The following UNC5D variants were observed in gnomAD, a reference collection of about 807,000 sequenced individuals.
UNC5D encodes the protein unc-5 netrin receptor D.
Under a neutral mutation model 105.4 loss-of-function variants are expected in UNC5D, and 39 were observed. The ratio of observed to expected loss-of-function variants is 0.37; its 90% CI spans 0.29 to 0.48. UNC5D has a LOEUF of 0.48. Among genes scored for constraint, UNC5D ranks in the 20% least tolerant of loss-of-function variants. The pLI, the probability that UNC5D is intolerant of heterozygous loss-of-function variation, is 0.98. For synonymous variants in UNC5D, 452 were observed against 450.4 expected, an observed-to-expected ratio of 1.00 and a Z score of -0.04; for missense variants, 991 against 1,202.4, an observed-to-expected ratio of 0.82 and a Z score of 2.60.
At chr8:35,679,506 A>C (rs1825508278) in intron 4 of UNC5D, among the ~76,000 whole-genome samples, 1 of 152,182 alleles carries the variant, frequency 6.6e-6, no homozygotes, top group Admixed American at 6.5e-5. Flanking sequence ...TTCAAAGGGC[A>C]TGAAGGAGTA....
At chr8:35,477,464 T>A (rs974740672) in intron 1 of UNC5D, among the ~76,000 whole-genome samples, 1 of 152,102 alleles carries the variant, frequency 6.6e-6, no homozygotes, top group Non-Finnish European at 1.5e-5. Context: ...TTTCACAGAA[T>A]GATTTTTATG....
chr8:35,339,987 C>A (rs762716660), intron 1 of UNC5D, among the ~76,000 whole-genome samples: 15 of 152,260 alleles, frequency 9.9e-5, no homozygotes, highest in African/African-American at 3.4e-4. Context: ...GGTTTACACA[C>A]GTCTCCTTTA....
At chr8:35,673,901 C>T (rs775378663) in intron 4 of UNC5D, among the ~76,000 whole-genome samples, 3 of 152,164 alleles carry the variant, frequency 2.0e-5, no homozygotes, top group South Asian at 2.1e-4. Context: ...TTCATGGGTA[C>T]GTGCTGCACC....
At chr8:35,491,168 T>C (rs1009563942) in intron 1 of UNC5D, among the ~76,000 whole-genome samples, 5 of 152,176 alleles carry the variant, frequency 3.3e-5, no homozygotes, top group Non-Finnish European at 7.4e-5. Flanking sequence ...GCTGAGTGAA[T>C]TGTAAAAGTG....
rs1586315631 is a variant in UNC5D, at chr8:35,640,925, C to T, written c.571-42622C>T. 2.0e-5 allele frequency among the ~76,000 whole-genome samples: 3 copies of T among 152,146 alleles called. No homozygotes were observed. The South Asian group carries it at 6.2e-4, about 32-fold the overall frequency. On this transcript the variant is annotated intron_variant, in intron 4 of 16. Coordinates refer to ENST00000404895, the MANE Select transcript of UNC5D (RefSeq NM_080872.4). Reference sequence around the variant, plus strand: ...TCCTCTTCTTCCTCTTCCTCCTCCTCTCCTCTCTCTCTCTCTTTCTAATAG... The same window carrying T: ...TCCTCTTCTTCCTCTTCCTCCTCCTTTCCTCTCTCTCTCTCTTTCTAATAG...
At chr8:35,299,449 G>T (rs569829949) in intron 1 of UNC5D, among the ~76,000 whole-genome samples, 3 of 152,152 alleles carry the variant, frequency 2.0e-5, no homozygotes, top group South Asian at 4.1e-4. Flanking sequence ...TCAGACTGCT[G>T]GGTCTATTCT....
intron 1 of UNC5D, among the ~76,000 whole-genome samples, chr8:35,425,404 G>C (rs1355320454): frequency 6.6e-6 from 1 of 152,132 alleles, no homozygotes; most frequent in Admixed American, 6.6e-5. Context: ...CAGCTCCTTA[G>C]AGCTTCTGTT....
intron 1 of UNC5D, among the ~76,000 whole-genome samples, chr8:35,271,395 A>G (rs1409888446): frequency 7.6e-6 from 1 of 132,246 alleles, no homozygotes; most frequent in Non-Finnish European, 1.7e-5. Context: ...ACACACATGC[A>G]CGTGTGTATG....
rs561056769 is a variant in UNC5D at position 35,390,613 on chromosome 8, A to G, written c.103+154726A>G. Among the ~76,000 whole-genome samples the G allele has an allele frequency of 4.6e-5, 7 of 152,328 alleles. No homozygotes were observed. The East Asian group carries it at 1.4e-3, about 29-fold the overall frequency. On this transcript the variant is annotated intron_variant, in intron 1 of 16. Transcript: ENST00000404895. ...TAAAATTGATCTTTGTGTTAAGTAA[A>G]CACAACCAAAAGAAATACTTTTCTT...
chr8:35,325,624 T>C (rs2128889925), intron 1 of UNC5D, among the ~76,000 whole-genome samples: 1 of 152,282 alleles, frequency 6.6e-6, no homozygotes, highest in Admixed American at 6.5e-5. Flanking sequence ...ACACATACAA[T>C]GCGTTCTATT....
At chr8:35,556,794 T>C (rs1816581572) in intron 2 of UNC5D, among the ~76,000 whole-genome samples, 1 of 152,212 alleles carries the variant, frequency 6.6e-6, no homozygotes, top group Admixed American at 6.5e-5. Context: ...GTAAACATTA[T>C]TAATTTGTTC....
chr8:35,374,073 G>A lies in UNC5D; in HGVS notation c.103+138186G>A, dbSNP rs922933508. 1.1e-4 allele frequency among the ~76,000 whole-genome samples: 16 copies of A among 152,256 alleles called. No homozygotes were observed. In the East Asian group the frequency reaches 1.2e-3, roughly 11 times the overall value. On this transcript the variant is annotated intron_variant, in intron 1 of 16. Coordinates refer to ENST00000404895, the MANE Select transcript of UNC5D (RefSeq NM_080872.4). ...TTGCAGAGAGATCCTGTGGGTTTTC[G>A]TGGTGACATACTGGTAGTTTAATGG...
intron 1 of UNC5D, among the ~76,000 whole-genome samples, chr8:35,500,096 AAGC>A (rs1328156508): frequency 2.6e-5 from 4 of 152,242 alleles, no homozygotes; most frequent in Admixed American, 6.5e-5. Flanking sequence ...GAATGACATT[AAGC>A]CATGTATTCT....
intron 1 of UNC5D, among the ~76,000 whole-genome samples, chr8:35,400,868 A>C (rs574180401): frequency 6.6e-6 from 1 of 152,168 alleles, no homozygotes; most frequent in South Asian, 2.1e-4. Flanking sequence ...TTGTTTTTGC[A>C]TCTTATTGAG....
At chr8:35,585,753 A>G (rs919580472) in intron 3 of UNC5D, among the ~76,000 whole-genome samples, 3 of 151,642 alleles carry the variant, frequency 2.0e-5, no homozygotes, top group Admixed American at 6.6e-5. Context: ...ACTTGGTACA[A>G]TAAAATGAAT....
intron 1 of UNC5D, among the ~76,000 whole-genome samples, chr8:35,315,245 T>C (rs1444114600): frequency 6.6e-6 from 1 of 152,190 alleles, no homozygotes; most frequent in African/African-American, 2.4e-5. Flanking sequence ...CCCCATAACT[T>C]AGTAACTTAA....
At chr8:35,567,305 T>G (rs2130781606) in intron 2 of UNC5D, among the ~76,000 whole-genome samples, 1 of 152,296 alleles carries the variant, frequency 6.6e-6, no homozygotes, top group East Asian at 1.9e-4. Flanking sequence ...ATGTTTTAAG[T>G]GATGGATATC....
At chr8:35,576,268 T>C (rs1471663379) in intron 3 of UNC5D, among the ~76,000 whole-genome samples, 1 of 152,160 alleles carries the variant, frequency 6.6e-6, no homozygotes, top group East Asian at 1.9e-4. Flanking sequence ...ATGGTGATGG[T>C]TCAAGAAATC....
At chr8:35,732,907 C>T (rs537851621) in intron 11 of UNC5D, among the ~76,000 whole-genome samples, 1 of 152,184 alleles carries the variant, frequency 6.6e-6, no homozygotes, top group African/African-American at 2.4e-5. Flanking sequence ...CACAAGAGCC[C>T]AAAGACCTCA....
Sources: allele counts gnomAD v4.1 joint callset (sites outside exome capture counted in the v4.1 genomes callset), GRCh38; gene constraint gnomAD v4.1.1; transcripts MANE v1.5; gene names NCBI Gene and HGNC (gene_info 2026-07-23, HGNC 2026-07-21).